POTEF: variants seen among roughly 807,000 people sequenced by gnomAD.
POTEF encodes POTE ankyrin domain family member F, also known as ANKRD26-like family C member 1B.
A neutral mutation model predicts 83.2 loss-of-function variants in POTEF; 20 were observed. The ratio of observed to expected loss-of-function variants is 0.24; its 90% confidence interval spans 0.17 to 0.35. POTEF has a LOEUF of 0.35. Ranked by LOEUF, POTEF falls within the 10% of genes least tolerant of loss-of-function variation. The pLI, the probability that POTEF is intolerant of heterozygous loss-of-function variation, is 1.00. For missense variants in POTEF, 550 were observed against 1,203.2 expected, an observed-to-expected ratio of 0.46 and a Z score of 8.03; for synonymous variants, 196 against 446.4, an observed-to-expected ratio of 0.44 and a Z score of 7.07.
At chr2:130,103,156 A>G (rs1468779888) in intron 8 of POTEF, among the ~76,000 whole-genome samples, 1 of 140,110 alleles carries the variant, frequency 7.1e-6, no homozygotes, top group East Asian at 2.1e-4. Context: ...GCTGGAGTGC[A>G]GTGGCGCAAT....
At chr2:130,127,238 T>C (rs1302218685) in intron 2 of POTEF, among the ~76,000 whole-genome samples, 1 of 135,482 alleles carries the variant, frequency 7.4e-6, no homozygotes, top group Non-Finnish European at 1.5e-5. Context: ...GGCAGGAGGA[T>C]GGTGTGAACC....
chr2:130,123,558 T>C (rs1008872015), intron 2 of POTEF, among the ~76,000 whole-genome samples: 2 of 151,932 alleles, frequency 1.3e-5, no homozygotes, highest in African/African-American at 4.9e-5. Flanking sequence ...CCTAATTTCA[T>C]TGTATATTCT....
intron 7 of POTEF, among the ~76,000 whole-genome samples, 169 bp downstream of exon 7, chr2:130,110,374 G>C (rs1304396557): frequency 6.6e-6 from 1 of 151,006 alleles, no homozygotes; most frequent in African/African-American, 2.5e-5. Flanking sequence ...CTTCTAACTT[G>C]TCTTGCTTTT....
intron 2 of POTEF, among the ~76,000 whole-genome samples, chr2:130,123,429 T>C (rs543591395): frequency 2.2e-4 from 34 of 152,080 alleles, no homozygotes; most frequent in Non-Finnish European, 4.4e-4. Context: ...TAGTAAAAAT[T>C]TGTAAAGACT....
chr2:130,107,446 G>A lies in POTEF; in HGVS notation c.1126+563C>T, dbSNP rs1392762454. 4.6e-5 allele frequency among the ~76,000 whole-genome samples: 7 copies of A among 150,976 alleles called. 1 individual carries two copies. The South Asian group carries it at 6.2e-4, about 13-fold the overall frequency. On this transcript the variant is annotated intron_variant, in intron 8 of 16. Transcript: ENST00000409914. Reference sequence around the variant, plus strand: ...ACTTTTTTATCTATGGTAGGACCACGCAGAGCAGGGGTCCTCAACTCCCAG... The same window carrying A: ...ACTTTTTTATCTATGGTAGGACCACACAGAGCAGGGGTCCTCAACTCCCAG...
At chr2:130,115,180 C>G in intron 4 of POTEF, 34 bp downstream of exon 4, 1 of 1,612,164 alleles carries the variant, frequency 6.2e-7, no homozygotes, top group Non-Finnish European at 8.5e-7. Flanking sequence ...GAAATCAAAC[C>G]CACCTCATGC....
intron 2 of POTEF, among the ~76,000 whole-genome samples, chr2:130,122,205 T>C (rs1318113492): frequency 6.7e-6 from 1 of 148,842 alleles, no homozygotes; most frequent in Non-Finnish European, 1.5e-5. Flanking sequence ...GACCACATTT[T>C]ATTAATCCAC....
At position 130,115,194 on chromosome 2, in the gene POTEF, T is replaced by TA. The variant is rs1684813274; in HGVS notation, c.636+19dup. On this transcript the variant is annotated intron_variant, in intron 4 of 16. Coordinates refer to ENST00000409914, the MANE Select transcript of POTEF (RefSeq NM_001099771.2). ...TGAAATCAAACCCACCTCATGCTGA[T>TA]ATAGTTGGCTACTGCATACCTTTAT... 6.4e-7 allele frequency: 1 copy of TA among 1,567,428 alleles called. No homozygotes were observed. The highest frequency in any genetic ancestry group is 1.8e-5 in the Admixed American group (1 of 57,016).
intron 7 of POTEF, 65 bp downstream of exon 7, chr2:130,110,478 G>C: frequency 2.6e-6 from 3 of 1,146,540 alleles, no homozygotes; most frequent in Non-Finnish European, 3.7e-6. Context: ...TATGTGAGAT[G>C]CAACTGTTAT....
intron 1 of POTEF, among the ~76,000 whole-genome samples, chr2:130,128,638 G>A (rs1685157764): frequency 6.6e-6 from 1 of 151,330 alleles, no homozygotes; most frequent in Non-Finnish European, 1.5e-5. Context: ...ACAAGACAAT[G>A]CCTCAAAATC....
At chr2:130,104,472 T>G (rs927921843) in intron 8 of POTEF, among the ~76,000 whole-genome samples, 2 of 149,536 alleles carry the variant, frequency 1.3e-5, no homozygotes, top group Admixed American at 1.3e-4. Flanking sequence ...ATTTATATAT[T>G]GCTTTGTTTA....
chr2:130,108,819 A>G lies in POTEF; in HGVS notation c.1056-740T>C, dbSNP rs555245291. 5.1e-3 allele frequency among the ~76,000 whole-genome samples: 758 copies of G among 149,000 alleles called. 28 individuals are homozygous for G. The highest frequency in any genetic ancestry group is 0.018 in the African/African-American group (708 of 40,248). ...AATCACACCAAGGGCAGAAAAACCA[A>G]TGGATGTTAAGACCTGACTTGGACC... is the stretch of plus-strand genomic sequence containing the variant. On this transcript the variant is annotated intron_variant, in intron 7 of 16. Transcript: ENST00000409914.
intron 3 of POTEF, among the ~76,000 whole-genome samples, chr2:130,115,784 G>A (rs1202264327): frequency 2.6e-5 from 4 of 152,090 alleles, no homozygotes; most frequent in African/African-American, 9.7e-5. Flanking sequence ...TACCACTAAA[G>A]ACAACATTTG....
At chr2:130,100,942 TCTGA>T (rs1416944190) in intron 9 of POTEF, among the ~76,000 whole-genome samples, 2 of 149,114 alleles carry the variant, frequency 1.3e-5, no homozygotes, top group South Asian at 2.1e-4. Context: ...ATTACTGGCT[TCTGA>T]CTAACATGTG....
intron 16 of POTEF, among the ~76,000 whole-genome samples, chr2:130,076,470 TATA>T (rs1223310375): frequency 6.7e-6 from 1 of 150,104 alleles, no homozygotes; most frequent in African/African-American, 2.5e-5. Flanking sequence ...ATTTCCTCTT[TATA>T]ATGTTTGAAA....
At chr2:130,105,472 T>G (rs1331013688) in intron 8 of POTEF, among the ~76,000 whole-genome samples, 6 of 151,848 alleles carry the variant, frequency 4.0e-5, no homozygotes, top group South Asian at 2.1e-4. Flanking sequence ...TTTCTTTACA[T>G]GGTAAAGAAC....
chr2:130,083,368 G>A (rs1277820247), intron 15 of POTEF, among the ~76,000 whole-genome samples: 3 of 152,192 alleles, frequency 2.0e-5, no homozygotes, highest in South Asian at 2.1e-4. Flanking sequence ...GAAGATTGAG[G>A]ACTGAGCCAT....
chr2:130,120,107 C>T lies in POTEF; in HGVS notation c.409G>A (p.Gly137Arg), dbSNP rs772628607. 2.1e-5 allele frequency: 33 copies of T among 1,606,920 alleles called. 1 individual carries two copies. The East Asian group carries it at 6.9e-4, about 34-fold the overall frequency. ...AFMEPRYHVR[G>R]EDLDKLHRAA... Reference sequence around the variant, plus strand: ...CTGTGGAGCTTGTCCAGATCTTCTCCACGGACGTGGTACCTGGGCTCCATG... The same window carrying T: ...CTGTGGAGCTTGTCCAGATCTTCTCTACGGACGTGGTACCTGGGCTCCATG... The change falls in exon 3 of 17, where the codon GGA becomes AGA. Residue 137 changes from glycine to arginine, a missense_variant. By Grantham distance (125) the Gly-to-Arg change is moderately radical. Transcript: ENST00000409914.
At chr2:130,101,298 T>C (rs1281800411) in intron 9 of POTEF, among the ~76,000 whole-genome samples, 2 of 150,628 alleles carry the variant, frequency 1.3e-5, no homozygotes. Flanking sequence ...CATATGATAG[T>C]GTTATGTATC....
Sources: allele counts gnomAD v4.1 joint callset (sites outside exome capture counted in the v4.1 genomes callset), GRCh38; gene constraint gnomAD v4.1.1; transcripts MANE v1.5; gene names NCBI Gene and HGNC (gene_info 2026-07-23, HGNC 2026-07-21).